NXPE2: variants seen among roughly 807,000 people sequenced by gnomAD.
NXPE2 encodes the protein NXPE family member 2.
In NXPE2, 34 loss-of-function variants were observed where a neutral mutation model predicts 34.4. The ratio of observed to expected loss-of-function variants is 0.99; its 90% confidence interval spans 0.75 to 1.31. The LOEUF is 1.31. NXPE2 is among the 40% of genes most tolerant of loss of function. The pLI, the probability that NXPE2 is intolerant of heterozygous loss-of-function variation, is 0.00. For synonymous variants in NXPE2, 235 were observed against 231.3 expected (o/e 1.02, Z -0.15); for missense variants, 649 against 672.5 (o/e 0.97, Z 0.39).
the NXPE2 span, among the ~76,000 whole-genome samples, chr11:114,589,319 C>T: frequency 7.9e-5 from 12 of 152,024 alleles, no homozygotes; most frequent in Admixed American, 7.2e-4. Context: ...ACAGGAGGCC[C>T]AGGTAATTCT....
the NXPE2 span, among the ~76,000 whole-genome samples, chr11:114,514,616 T>C: frequency 3.1e-3 from 465 of 152,260 alleles, 3 homozygotes; most frequent in African/African-American, 0.011. Context: ...CTCAAACTCC[T>C]GGGCTGAAGT....
At chr11:114,466,724 G>GT in the NXPE2 span, among the ~76,000 whole-genome samples, 40 of 152,172 alleles carry the variant, frequency 2.6e-4, no homozygotes, top group African/African-American at 9.6e-4. Flanking sequence ...CTTCTTCCCA[G>GT]TTTGGAACTG....
At chr11:114,581,319 T>C in the NXPE2 span, among the ~76,000 whole-genome samples, 2 of 152,158 alleles carry the variant, frequency 1.3e-5, no homozygotes, top group Non-Finnish European at 2.9e-5. Flanking sequence ...TATAATAAAC[T>C]GACACTCAGA....
chr11:114,631,875 G>T, the NXPE2 span, among the ~76,000 whole-genome samples: 1 of 151,136 alleles, frequency 6.6e-6, no homozygotes. Context: ...GGTAACCGCT[G>T]TTACCCAGTG....
chr11:114,482,915 C>T, the NXPE2 span, among the ~76,000 whole-genome samples: 1 of 152,108 alleles, frequency 6.6e-6, no homozygotes, highest in Non-Finnish European at 1.5e-5. Context: ...AATTTCTCAT[C>T]ATTGGATTAC....
the NXPE2 span, among the ~76,000 whole-genome samples, chr11:114,725,976 A>AAAAATATATATATAT: frequency 2.6e-4 from 26 of 101,750 alleles, no homozygotes; most frequent in African/African-American, 8.4e-4. Context: ...ATAAAAAAAA[A>AAAAATATATATATAT]ATATATATAT....
At chr11:114,726,262 G>T in the NXPE2 span, among the ~76,000 whole-genome samples, 1 of 151,836 alleles carries the variant, frequency 6.6e-6, no homozygotes, top group Admixed American at 6.6e-5. Context: ...TATGTTATAT[G>T]CCAGTCTTTC....
the NXPE2 span, among the ~76,000 whole-genome samples, chr11:114,758,211 A>G: frequency 6.6e-6 from 1 of 152,256 alleles, no homozygotes; most frequent in East Asian, 1.9e-4. Context: ...AATTTCACTG[A>G]CCCAGGAGTA....
At chr11:114,471,333 C>T in the NXPE2 span, among the ~76,000 whole-genome samples, 2 of 151,954 alleles carry the variant, frequency 1.3e-5, no homozygotes, top group Non-Finnish European at 2.9e-5. Flanking sequence ...AATTGAAGTT[C>T]ACTTTTTGCA....
chr11:114,467,948 G>A, the NXPE2 span, among the ~76,000 whole-genome samples: 2 of 151,190 alleles, frequency 1.3e-5, no homozygotes, highest in East Asian at 3.9e-4. Context: ...AAAACAAAAC[G>A]AAACAAAAAA....
At chr11:114,481,696 C>T in the NXPE2 span, among the ~76,000 whole-genome samples, 1 of 152,022 alleles carries the variant, frequency 6.6e-6, no homozygotes, top group East Asian at 1.9e-4. Context: ...AGAAATCTCC[C>T]ATGTAGTAAT....
At chr11:114,813,486 T>A in the NXPE2 span, among the ~76,000 whole-genome samples, 1 of 152,234 alleles carries the variant, frequency 6.6e-6, no homozygotes, top group African/African-American at 2.4e-5. Flanking sequence ...GACTCCATAC[T>A]GTGGGCTTCC....
chr11:114,513,242 A>T, the NXPE2 span: 1 of 524,058 alleles, frequency 1.9e-6, no homozygotes, highest in South Asian at 1.6e-5. Flanking sequence ...TCGAGGGTTG[A>T]GGATGGTGGC....
the NXPE2 span, among the ~76,000 whole-genome samples, chr11:114,722,281 T>C: frequency 6.6e-6 from 1 of 152,172 alleles, no homozygotes; most frequent in African/African-American, 2.4e-5. Context: ...AATGGTTTTA[T>C]AAGCATCTGA....
chr11:114,757,389 G>A, the NXPE2 span, among the ~76,000 whole-genome samples: 6 of 150,498 alleles, frequency 4.0e-5, no homozygotes, highest in Non-Finnish European at 7.4e-5. Flanking sequence ...GTTTTGGTGA[G>A]AGGAGCAAAA....
chr11:114,579,231 T>G, the NXPE2 span, among the ~76,000 whole-genome samples: 64 of 152,146 alleles, frequency 4.2e-4, no homozygotes, highest in Non-Finnish European at 7.8e-4. Context: ...TCACATGAAC[T>G]GACAGAGCGA....
At chr11:114,500,490 G>A in the NXPE2 span, among the ~76,000 whole-genome samples, 1 of 152,016 alleles carries the variant, frequency 6.6e-6, no homozygotes. Flanking sequence ...TGTTATTTGA[G>A]TTGTAAGTGT....
At position 114,706,631 on chromosome 11, in the gene NXPE2, A is replaced by G. The variant is rs1009603395; in HGVS notation, c.1381A>G (p.Ile461Val). 74 of 1,551,622 alleles carry G rather than the reference A, an allele frequency of 4.8e-5. No homozygotes were observed. The highest frequency in any genetic ancestry group is 6.3e-5 in the Non-Finnish European group (72 of 1,147,004). The change falls in exon 6 of 6, where the codon ATT becomes GTT. Residue 461 changes from isoleucine (I) to valine (V), a missense_variant. Transcript: ENST00000389586. Reference sequence around the variant, plus strand: ...ACACTTCAGACCCTTTCCCATCAACATTTTCATCCGTAGGGCCATCAATAT... The same window carrying G: ...ACACTTCAGACCCTTTCCCATCAACGTTTTCATCCGTAGGGCCATCAATAT... ...GQHFRPFPIN[I>V]FIRRAINIQK... is the part of the protein sequence containing the mutation.
chr11:114,713,516 T>G, the NXPE2 span, among the ~76,000 whole-genome samples: 3 of 152,316 alleles, frequency 2.0e-5, no homozygotes, highest in East Asian at 5.8e-4. Flanking sequence ...CCTGAGTATA[T>G]GAAAAGTTGG....
Sources: gnomAD v4.1 joint callset for allele counts (sites outside exome capture counted in the v4.1 genomes callset) on GRCh38, gnomAD v4.1.1 for gene constraint, MANE v1.5 for transcripts, NCBI Gene and HGNC (gene_info 2026-07-23, HGNC 2026-07-21) for gene names.